ATP2A3: variants seen among roughly 807,000 people sequenced by gnomAD.
ATP2A3 encodes the protein sarcoplasmic/endoplasmic reticulum calcium ATPase 3.
ATP2A3 carries 61 observed loss-of-function variants against 106.8 expected under a neutral mutation model. That is an observed-to-expected ratio of 0.57 (90% CI 0.46 to 0.71). The LOEUF is 0.71. Ranked by LOEUF, ATP2A3 falls within the 30% of genes least tolerant of loss-of-function variation. The pLI, the probability that ATP2A3 is intolerant of heterozygous loss-of-function variation, is 0.00. For synonymous variants in ATP2A3, 611 were observed against 609.3 expected, an observed-to-expected ratio of 1.00 and a Z score of -0.04; for missense variants, 1,201 against 1,423.5, an observed-to-expected ratio of 0.84 and a Z score of 2.52.
At chr17:3,934,538 T>TTTA in intron 17 of ATP2A3, among the ~76,000 whole-genome samples, 1 of 146,446 alleles carries the variant, frequency 6.8e-6, no homozygotes, top group African/African-American at 2.6e-5. Context: ...TTTTTTTTTT[T>TTTA]CTTGAGATGG....
intron 3 of ATP2A3, among the ~76,000 whole-genome samples, chr17:3,952,789 C>T (rs1378854619): frequency 6.6e-6 from 1 of 152,078 alleles, no homozygotes; most frequent in African/African-American, 2.4e-5. Context: ...ACAGGGTCTC[C>T]CTATGTTGCC....
chr17:3,944,552 G>A (rs2053975768), intron 10 of ATP2A3, 152 bp downstream of exon 10: 3 of 750,194 alleles, frequency 4.0e-6, no homozygotes, highest in Middle Eastern at 3.1e-4. Context: ...AGGGAGGGGC[G>A]GCAGAGAGGG....
chr17:3,942,725 T>C lies in ATP2A3; in HGVS notation c.1426A>G (p.Lys476Glu). 1 of 1,612,984 alleles carries C rather than the reference T, an allele frequency of 6.2e-7. No homozygotes were observed. Among genetic ancestry groups the C allele is most frequent in the Non-Finnish European group, 8.5e-7 (1 of 1,179,840 alleles). Residue 476 changes from lysine to glutamate, a missense_variant, in exon 12 of 21, where the codon AAG becomes GAG. Around this residue, in one of 2 missense-constraint regions of ATP2A3, gnomAD observed 935 missense variants for 1,176.7 expected, o/e 0.79. Coordinates refer to ENST00000397041, the MANE Select transcript of ATP2A3 (RefSeq NM_005173.4). Reference protein sequence around the residue: ...ERAGACNTVIKQLMRKEFTLE... With the variant: ...ERAGACNTVIEQLMRKEFTLE... ...GTGAACTCCTTCCGCATCAGCTGCTTGATGACCTGCGGGGTCCAGGCAGGT... is the reference window on the plus strand; with the variant it reads ...GTGAACTCCTTCCGCATCAGCTGCTCGATGACCTGCGGGGTCCAGGCAGGT...
At position 3,925,242 on chromosome 17, in the gene ATP2A3, G is replaced by A. The variant is rs1277443474; in HGVS notation, c.*180C>T. The A allele has an allele frequency of 2.1e-6, 2 of 931,438 alleles. No homozygotes were observed. The highest frequency in any genetic ancestry group is 1.6e-5 in the African/African-American group (1 of 61,516). The allele number at this position is 931,438 out of a possible 1,614,324, so 57.7% of individuals were successfully genotyped here. A position where few individuals can be genotyped will look rare whatever the true frequency, so the allele number is the denominator to read the frequency against. On this transcript the variant is annotated 3_prime_UTR_variant, in exon 21 of 21. Coordinates refer to ENST00000397041, the MANE Select transcript of ATP2A3 (RefSeq NM_005173.4). The surrounding 1 kb of genome is among the most constrained non-coding windows in gnomAD (Gnocchi z 4.2). ...AGACCTCCCAGGCCAGAAGGAAGTG[G>A]GGACAGAGACCCCAGGACGGGGCCC...
chr17:3,928,875 ACTCTTCATGAGCGCTCC>A lies in ATP2A3; in HGVS notation c.2863-112_2863-96del. On this transcript the variant is annotated intron_variant, in intron 19 of 20. Transcript: ENST00000397041. The surrounding 1 kb of genome is among the most constrained non-coding windows in gnomAD (Gnocchi z 6.1). ...GCCTTATCCACCTGGGCTCTGATGGACTCTTCATGAGCGCTCCTAAGAACCCCCTGGATGCACCCCCG... is the reference window on the plus strand; with the variant it reads ...GCCTTATCCACCTGGGCTCTGATGGATAAGAACCCCCTGGATGCACCCCCG... The A allele has an allele frequency of 1.0e-6, 1 of 957,664 alleles. No individual in the cohort carries two copies. The highest frequency in any genetic ancestry group is 1.6e-6 in the Non-Finnish European group (1 of 624,014). 59.3% of individuals were successfully genotyped at this position (957,664 alleles called of 1,614,324 possible). A position where few individuals can be genotyped will look rare whatever the true frequency, so the allele number is the denominator to read the frequency against.
At chr17:3,958,717 T>C (rs143799118) in intron 1 of ATP2A3, among the ~76,000 whole-genome samples, 1,887 of 95,834 alleles carry the variant, frequency 0.02, 77 homozygotes, top group Non-Finnish European at 0.025. Context: ...TATATATATA[T>C]ACACATATAT....
At chr17:3,940,228 C>A (rs868573640) in intron 14 of ATP2A3, among the ~76,000 whole-genome samples, 2 of 151,774 alleles carry the variant, frequency 1.3e-5, no homozygotes, top group African/African-American at 4.8e-5. Flanking sequence ...TCAGATAGTA[C>A]GCCAAAGATC....
Position 3,953,494 on chromosome 17 carries a change from A to G in ATP2A3, c.137-65T>C. The G allele has an allele frequency of 1.6e-5, 25 of 1,578,486 alleles. 1 individual carries two copies. The South Asian group carries it at 2.7e-4, about 17-fold the overall frequency. Reference sequence around the variant, plus strand: ...CTGACCCTGCCCACTCAGAGCTGGGATGGCCCGGGAGACCTCCCGGCCCAT... The same window carrying G: ...CTGACCCTGCCCACTCAGAGCTGGGGTGGCCCGGGAGACCTCCCGGCCCAT... On this transcript the variant is annotated intron_variant, in intron 2 of 20. Coordinates refer to ENST00000397041, the MANE Select transcript of ATP2A3 (RefSeq NM_005173.4). The surrounding 1 kb of genome is among the most constrained non-coding windows in gnomAD (Gnocchi z 5.1).
At position 3,928,684 on chromosome 17, in the gene ATP2A3, G is replaced by A. The variant is rs1323763626; in HGVS notation, c.2959C>T (p.Leu987=). The A allele has an allele frequency of 6.4e-7, 1 of 1,551,230 alleles. No individual in the cohort carries two copies. The highest frequency in any genetic ancestry group is 1.2e-5 in the South Asian group (1 of 84,080). ...TCACCGTGCATGTGGTTCCGGGACA[G>A]GTACTTGAGGGCCTCATCCAGCAGG... The part of the protein sequence containing the change: ...VILLDEALKY[L]SRNHMHEEMS... Residue 987 remains leucine, a synonymous_variant, in exon 20 of 21, where the codon CTG becomes TTG. Transcript: ENST00000397041. The surrounding 1 kb of genome is among the most constrained non-coding windows in gnomAD (Gnocchi z 6.1).
In ATP2A3 at chr17:3,930,922, C is replaced by G. The variant is rs189390020; in HGVS notation, c.2611-488G>C. 7 of 267,436 alleles carry G rather than the reference C, an allele frequency of 2.6e-5. No homozygotes were observed. In the Admixed American group the frequency reaches 2.9e-4, roughly 11 times the overall value. The allele number at this position is 267,436 out of a possible 1,614,324, so 16.6% of individuals were successfully genotyped here. On this transcript the variant is annotated intron_variant, in intron 17 of 20. Transcript: ENST00000397041. This position sits in a 1 kb window ranked among gnomAD's most constrained non-coding sequence, Gnocchi z 5.4. ...CAGGGAGGCGGAGGCGGGTGGATCA[C>G]CTGAGGTCAGGAGTTTGGGACCAGC... is the stretch of plus-strand genomic sequence containing the variant.
intron 12 of ATP2A3, among the ~76,000 whole-genome samples, chr17:3,941,947 G>T (rs1034759708): frequency 6.6e-6 from 1 of 152,204 alleles, no homozygotes; most frequent in Admixed American, 6.5e-5. Flanking sequence ...GCAGCGTTTT[G>T]CAGGCAGGGG....
At chr17:3,932,130 T>TTTTG (rs2053137955) in intron 17 of ATP2A3, among the ~76,000 whole-genome samples, 2 of 130,156 alleles carry the variant, frequency 1.5e-5, no homozygotes, top group Non-Finnish European at 3.2e-5. Context: ...TCTTGTTTTC[T>TTTTG]TTTTATTTTG....
In ATP2A3 at chr17:3,928,869, T is replaced by G; in HGVS notation, c.2863-89A>C. ...CTGCTGGCCTTATCCACCTGGGCTC[T>G]GATGGACTCTTCATGAGCGCTCCTA... On this transcript the variant is annotated intron_variant, in intron 19 of 20. Transcript: ENST00000397041. The surrounding 1 kb of genome is among the most constrained non-coding windows in gnomAD (Gnocchi z 6.1). The G allele has an allele frequency of 9.9e-7, 1 of 1,014,102 alleles. No individual in the cohort carries two copies. The highest frequency in any genetic ancestry group is 1.5e-6 in the Non-Finnish European group (1 of 672,108). The allele number at this position is 1,014,102 out of a possible 1,614,324, so 62.8% of individuals were successfully genotyped here.
rs1384625259 is a variant in ATP2A3, at chr17:3,936,405, T to C, written c.2386A>G (p.Asn796Asp). 2 of 1,613,830 alleles carry C rather than the reference T, an allele frequency of 1.2e-6. No individual in the cohort carries two copies. Among genetic ancestry groups the C allele is most frequent in the Non-Finnish European group, 1.7e-6 (2 of 1,179,968 alleles). The change falls in exon 16 of 21, where the codon AAC (asparagine) becomes GAC (aspartate). Residue 796 changes from asparagine (N) to aspartate (D), a missense_variant. Coordinates refer to ENST00000397041, the MANE Select transcript of ATP2A3 (RefSeq NM_005173.4). This position sits in a 1 kb window ranked among gnomAD's most constrained non-coding sequence, Gnocchi z 5.4. ...GCAGGTAGGCCGTCTGTCACCAGGT[T>C]CACCCAGAGCAGCTGCACAGGGATC... ...ALIPVQLLWV[N>D]LVTDGLPATA... is the part of the protein sequence containing the mutation.
intron 1 of ATP2A3, among the ~76,000 whole-genome samples, chr17:3,958,775 C>CACATATATATAT (rs1443357554): frequency 1.5e-5 from 2 of 132,328 alleles, no homozygotes; most frequent in African/African-American, 6.1e-5. Flanking sequence ...CATATATATA[C>CACATATATATAT]ACACACATAT....
chr17:3,957,756 C>A (rs11869993), intron 1 of ATP2A3, among the ~76,000 whole-genome samples: 8 of 152,178 alleles, frequency 5.3e-5, no homozygotes, highest in African/African-American at 1.9e-4. Flanking sequence ...GAGATAGTTC[C>A]CCTTGAAATG....
chr17:3,953,793 T>C lies in ATP2A3; in HGVS notation c.119-83A>G, dbSNP rs2054595891. 2.1e-6 allele frequency: 3 copies of C among 1,459,558 alleles called. No individual in the cohort carries two copies. The highest frequency in any genetic ancestry group is 2.5e-5 in the East Asian group (1 of 40,526). 90.4% of individuals were successfully genotyped at this position (1,459,558 alleles called of 1,614,324 possible). ...CAGGGGCCTCGGGGGAGTCTGGCAG[T>C]GCCTCCCCACCGTGCCCGCCCAGAC... On this transcript the variant is annotated intron_variant, in intron 1 of 20. Transcript: ENST00000397041. The surrounding 1 kb of genome is among the most constrained non-coding windows in gnomAD (Gnocchi z 5.1).
chr17:3,941,542 C>T lies in ATP2A3; in HGVS notation c.1658G>A (p.Gly553Asp). 3.7e-6 allele frequency: 6 copies of T among 1,613,860 alleles called. No individual in the cohort carries two copies. Among genetic ancestry groups the T allele is most frequent in the Non-Finnish European group, 5.1e-6 (6 of 1,180,036 alleles). Residue 553 changes from glycine to aspartate, a missense_variant, in exon 13 of 21, where the codon GGC becomes GAC. By Grantham distance (94) the Gly-to-Asp change is moderately conservative. This residue lies in a region of ATP2A3 where 935 missense variants were observed against 1,176.7 expected (regional missense o/e 0.79). Coordinates refer to ENST00000397041, the MANE Select transcript of ATP2A3 (RefSeq NM_005173.4). Reference protein sequence around the residue: ...EQILAKIRDWGSGSDTLRCLA... With the variant: ...EQILAKIRDWDSGSDTLRCLA... ...GCAGCGCAGCGTGTCTGAGCCTGAG[C>T]CCCAATCCCGGATCTTTGCCAGGAT...
intron 14 of ATP2A3, among the ~76,000 whole-genome samples, chr17:3,938,304 C>T (rs1005076071): frequency 1.3e-5 from 2 of 152,042 alleles, no homozygotes; most frequent in African/African-American, 2.4e-5. Flanking sequence ...CGCAGTGGCG[C>T]GTGCCTATGA....
Sources: gnomAD v4.1 joint callset for allele counts (sites outside exome capture counted in the v4.1 genomes callset) on GRCh38, gnomAD v4.1.1 for gene constraint, gnomAD v4.1.1 regional missense constraint, Gnocchi (gnomAD v3.1) non-coding constraint, MANE v1.5 for transcripts, NCBI Gene and HGNC (gene_info 2026-07-23, HGNC 2026-07-21) for gene names.